Variants in MYT1L observed in about 807,000 individuals in gnomAD.
The protein encoded by MYT1L is myelin transcription factor 1-like protein.
In MYT1L, 12 loss-of-function variants were observed where a neutral mutation model predicts 126.7. That is an observed-to-expected ratio of 0.09 (90% CI 0.06 to 0.15). The LOEUF (loss-of-function observed/expected upper bound fraction) is 0.15, where lower values mean the gene tolerates loss of function less well. MYT1L is among the 10% of genes least tolerant of loss of function. The pLI, the probability that MYT1L is intolerant of heterozygous loss-of-function variation, is 1.00. For synonymous variants in MYT1L, 541 were observed against 604.2 expected, an observed-to-expected ratio of 0.90 and a Z score of 1.53; for missense variants, 979 against 1,585.2, an observed-to-expected ratio of 0.62 and a Z score of 6.49.
At chr2:1,928,609 G>A (rs891835214) in intron 9 of MYT1L, among the ~76,000 whole-genome samples, 2 of 152,270 alleles carry the variant, frequency 1.3e-5, no homozygotes, top group Middle Eastern at 3.4e-3. Context: ...GAGTAACGCC[G>A]CTCCCTTCTG....
chr2:2,302,420 G>A (rs1309415032), intron 1 of MYT1L, among the ~76,000 whole-genome samples: 1 of 152,182 alleles, frequency 6.6e-6, no homozygotes, highest in African/African-American at 2.4e-5. Flanking sequence ...ATCTATATAA[G>A]GTGAGCTTTG....
intron 3 of MYT1L, among the ~76,000 whole-genome samples, chr2:2,140,038 C>A (rs2083712552): frequency 6.6e-6 from 1 of 152,256 alleles, no homozygotes; most frequent in Admixed American, 6.5e-5. Flanking sequence ...AGAGATTTCT[C>A]ACAGCAGAAA....
chr2:1,997,933 A>C (rs2062012448), intron 4 of MYT1L, among the ~76,000 whole-genome samples: 1 of 152,168 alleles, frequency 6.6e-6, no homozygotes, highest in Admixed American at 6.5e-5. Context: ...TTTATGAATA[A>C]AGATACTGAT....
intron 9 of MYT1L, among the ~76,000 whole-genome samples, chr2:1,938,907 G>A (rs1045064594): frequency 6.6e-6 from 1 of 152,168 alleles, no homozygotes; most frequent in Non-Finnish European, 1.5e-5. Context: ...TATAACCTGT[G>A]GGTTCCTATT....
intron 4 of MYT1L, among the ~76,000 whole-genome samples, chr2:2,002,138 GCCT>G (rs1224117624): frequency 1.3e-5 from 2 of 152,176 alleles, no homozygotes; most frequent in East Asian, 3.9e-4. Context: ...CATTAGTACT[GCCT>G]CCTCAGACTG....
chr2:2,170,237 A>G (rs2089826100), intron 3 of MYT1L, among the ~76,000 whole-genome samples: 1 of 152,200 alleles, frequency 6.6e-6, no homozygotes, highest in Non-Finnish European at 1.5e-5. Flanking sequence ...GACTGTGGCT[A>G]TTTCAGAACT....
intron 2 of MYT1L, among the ~76,000 whole-genome samples, chr2:2,240,616 C>T (rs7582260): frequency 0.54 from 81,979 of 151,994 alleles, 22,380 homozygotes; most frequent in East Asian, 0.82. Context: ...AACGAGAAAA[C>T]GATAATGCAG....
At chr2:1,985,990 G>A (rs1399696135) in intron 5 of MYT1L, among the ~76,000 whole-genome samples, 1 of 152,192 alleles carries the variant, frequency 6.6e-6, no homozygotes, top group Non-Finnish European at 1.5e-5. Context: ...GCCATAGGAA[G>A]TGCACTCAGC....
intron 1 of MYT1L, among the ~76,000 whole-genome samples, chr2:2,298,139 TG>T (rs142676884): frequency 0.025 from 3,753 of 152,320 alleles, 91 homozygotes; most frequent in South Asian, 0.11. Flanking sequence ...CTTTTATTTT[TG>T]GGCTGAAATA....
chr2:2,122,515 A>G (rs576060687), intron 3 of MYT1L, among the ~76,000 whole-genome samples: 1 of 152,302 alleles, frequency 6.6e-6, no homozygotes, highest in African/African-American at 2.4e-5. Context: ...GCGTAGGCAC[A>G]TAACACATGT....
intron 3 of MYT1L, among the ~76,000 whole-genome samples, chr2:2,121,418 G>A (rs1312993424): frequency 2.0e-5 from 3 of 151,984 alleles, no homozygotes; most frequent in African/African-American, 7.3e-5. Flanking sequence ...ATCGTGATCC[G>A]CCCGCCTAGG....
intron 1 of MYT1L, among the ~76,000 whole-genome samples, chr2:2,314,397 C>A (rs1031589473): frequency 6.6e-5 from 10 of 152,126 alleles, no homozygotes; most frequent in African/African-American, 2.4e-4. Context: ...ACCACACATA[C>A]CATGTTCATA....
intron 9 of MYT1L, among the ~76,000 whole-genome samples, chr2:1,941,566 G>GGTAA (rs2056648422): frequency 6.6e-6 from 1 of 152,086 alleles, no homozygotes; most frequent in Non-Finnish European, 1.5e-5. Context: ...TAGCGATGAT[G>GGTAA]GTAAGTCTGT....
intron 2 of MYT1L, among the ~76,000 whole-genome samples, chr2:2,259,845 A>G (rs2094918446): frequency 6.6e-6 from 1 of 152,066 alleles, no homozygotes; most frequent in South Asian, 2.1e-4. Context: ...AACCTTCCCG[A>G]GCTCCAGTTT....
At chr2:2,007,046 T>G (rs1324540273) in intron 4 of MYT1L, among the ~76,000 whole-genome samples, 1 of 124,356 alleles carries the variant, frequency 8.0e-6, no homozygotes, top group Non-Finnish European at 1.7e-5. Context: ...TCATTGAAGA[T>G]ATATATATAT....
chr2:2,046,639 G>A (rs185922480), intron 4 of MYT1L, among the ~76,000 whole-genome samples: 4 of 152,270 alleles, frequency 2.6e-5, no homozygotes, highest in East Asian at 1.9e-4. Context: ...AGCTCGTCCC[G>A]GGTGAAGCCA....
intron 9 of MYT1L, among the ~76,000 whole-genome samples, chr2:1,940,368 T>C (rs985795854): frequency 6.8e-6 from 1 of 147,414 alleles, no homozygotes; most frequent in Non-Finnish European, 1.5e-5. Flanking sequence ...TCACAACATC[T>C]CACTGTGGCT....
At chr2:1,984,468 A>G (rs1474250834) in intron 5 of MYT1L, among the ~76,000 whole-genome samples, 2 of 148,124 alleles carry the variant, frequency 1.4e-5, no homozygotes, top group South Asian at 4.3e-4. Context: ...AAGTTCTGGG[A>G]TCCCTGGTGT....
At chr2:1,924,670 C>T (rs1372847227) in intron 9 of MYT1L, among the ~76,000 whole-genome samples, 4 of 152,146 alleles carry the variant, frequency 2.6e-5, no homozygotes, top group Non-Finnish European at 2.9e-5. Flanking sequence ...TTCTAAACTT[C>T]GGCAAATCAA....
Sources: gnomAD v4.1 joint callset for allele counts (sites outside exome capture counted in the v4.1 genomes callset) on GRCh38, gnomAD v4.1.1 for gene constraint, MANE v1.5 for transcripts, NCBI Gene and HGNC (gene_info 2026-07-23, HGNC 2026-07-21) for gene names.